The following RARB variants were observed in gnomAD, a reference collection of about 807,000 sequenced individuals.
RARB encodes the protein retinoic acid receptor beta, also known as HBV-activated protein.
RARB carries 17 observed loss-of-function variants against 51.9 expected under a neutral mutation model. The observed-to-expected ratio is 0.33, with a 90% CI of 0.22 to 0.49. The LOEUF (loss-of-function observed/expected upper bound fraction) is 0.49, where lower values mean the gene tolerates loss of function less well. Among genes scored for constraint, RARB ranks in the 20% least tolerant of loss-of-function variants. The probability of loss-of-function intolerance (pLI) is 0.99; values close to 1 mark genes in which losing one functional copy is unlikely to be tolerated. For synonymous variants in RARB, 215 were observed against 195.4 expected, an observed-to-expected ratio of 1.10 and a Z score of -0.84; for missense variants, 369 against 550.8, an observed-to-expected ratio of 0.67 and a Z score of 3.30.
chr3:25,500,899 C>A (rs1223364728), intron 2 of RARB, among the ~76,000 whole-genome samples: 1 of 152,048 alleles, frequency 6.6e-6, no homozygotes, highest in Admixed American at 6.5e-5. Context: ...TGGAGGGAAC[C>A]CAACTCTGGT....
chr3:25,562,440 G>T (rs1700311751), intron 3 of RARB, among the ~76,000 whole-genome samples: 1 of 152,080 alleles, frequency 6.6e-6, no homozygotes. Flanking sequence ...CAAACACGAA[G>T]CCACAGACAC....
At chr3:25,226,848 A>C (rs1702066749) in intron 5 of RARB, among the ~76,000 whole-genome samples, 1 of 152,222 alleles carries the variant, frequency 6.6e-6, no homozygotes, top group African/African-American at 2.4e-5. Flanking sequence ...AACTACCCAC[A>C]GTTACCCATA....
intron 5 of RARB, among the ~76,000 whole-genome samples, chr3:25,225,349 T>G (rs1347679553): frequency 6.6e-6 from 1 of 152,150 alleles, no homozygotes; most frequent in Non-Finnish European, 1.5e-5. Context: ...TAAAGGTGAT[T>G]CCTGGGGCTG....
At chr3:25,040,760 A>G (rs1053869887) in intron 2 of RARB, among the ~76,000 whole-genome samples, 10 of 152,186 alleles carry the variant, frequency 6.6e-5, no homozygotes, top group Non-Finnish European at 1.0e-4. Context: ...CAAAAAAATA[A>G]TAATTCACAA....
intron 2 of RARB, among the ~76,000 whole-genome samples, chr3:24,873,726 T>A (rs1387787188): frequency 6.6e-6 from 1 of 152,062 alleles, no homozygotes; most frequent in Non-Finnish European, 1.5e-5. Context: ...TGAGTGACTT[T>A]ACTTCATCCC....
At chr3:25,486,137 T>A (rs1237940485) in intron 2 of RARB, among the ~76,000 whole-genome samples, 1 of 152,170 alleles carries the variant, frequency 6.6e-6, no homozygotes, top group African/African-American at 2.4e-5. Context: ...GGGCCCATAT[T>A]TGGGAGACTG....
chr3:25,136,964 G>T (rs774442074), intron 4 of RARB, among the ~76,000 whole-genome samples: 23 of 152,000 alleles, frequency 1.5e-4, no homozygotes, highest in Non-Finnish European at 3.1e-4. Context: ...AATGGCCCAT[G>T]ATTTGAGTGC....
intron 5 of RARB, among the ~76,000 whole-genome samples, chr3:25,350,738 A>T (rs979749222): frequency 6.6e-5 from 10 of 152,206 alleles, no homozygotes; most frequent in African/African-American, 2.2e-4. Context: ...TGATTATATA[A>T]ATTTCATAAC....
chr3:24,884,479 T>C (rs1703232960), intron 2 of RARB, among the ~76,000 whole-genome samples: 1 of 152,102 alleles, frequency 6.6e-6, no homozygotes, highest in African/African-American at 2.4e-5. Context: ...TTCTCAAAGT[T>C]GCATAGCACA....
Position 25,569,805 on chromosome 3 carries a change from G to C in RARB, c.496G>C (p.Glu166Gln). Reference sequence around the variant, plus strand: ...GAAAAAGAAGGAGACTTCGAAGCAAGAATGCACAGAGAGCTATGAAATGAC... The same window carrying C: ...GAAAAAGAAGGAGACTTCGAAGCAACAATGCACAGAGAGCTATGAAATGAC... Reference protein sequence around the residue: ...NKKKKETSKQECTESYEMTAE... With the variant: ...NKKKKETSKQQCTESYEMTAE... Residue 166 changes from glutamate (E) to glutamine (Q), a missense_variant, in exon 4 of 8, where the codon GAA (glutamate) becomes CAA (glutamine). Physicochemically the swap from Glu to Gln is conservative, Grantham distance 29. Transcript: ENST00000330688. 1 of 1,614,202 alleles carries C rather than the reference G, an allele frequency of 6.2e-7. No homozygotes were observed.
At chr3:25,161,051 C>T (rs554166886) in intron 4 of RARB, among the ~76,000 whole-genome samples, 9 of 151,960 alleles carry the variant, frequency 5.9e-5, no homozygotes, top group African/African-American at 1.7e-4. Context: ...CTTGCTCCGT[C>T]GCCCAGGCTA....
intron 5 of RARB, among the ~76,000 whole-genome samples, chr3:25,586,949 C>T (rs373748318): frequency 1.3e-5 from 2 of 152,208 alleles, no homozygotes; most frequent in Non-Finnish European, 2.9e-5. Flanking sequence ...GGCACGATTA[C>T]CCCATGAGGC....
At chr3:24,967,432 C>T (rs1030875253) in intron 2 of RARB, among the ~76,000 whole-genome samples, 1 of 152,224 alleles carries the variant, frequency 6.6e-6, no homozygotes, top group South Asian at 2.1e-4. Flanking sequence ...GTAAATTTGT[C>T]TCCTCAACTC....
chr3:25,131,398 G>A (rs556319340), intron 3 of RARB, among the ~76,000 whole-genome samples: 2 of 152,046 alleles, frequency 1.3e-5, no homozygotes, highest in South Asian at 4.1e-4. Flanking sequence ...AAATAGTCTT[G>A]GCAAAGCCTT....
At chr3:25,188,552 G>A (rs1701027730) in intron 5 of RARB, among the ~76,000 whole-genome samples, 1 of 152,048 alleles carries the variant, frequency 6.6e-6, no homozygotes, top group South Asian at 2.1e-4. Context: ...TTTCCAAGGA[G>A]GTATTTTGGA....
chr3:25,364,155 T>G (rs1044488403), intron 5 of RARB, among the ~76,000 whole-genome samples: 70 of 152,336 alleles, frequency 4.6e-4, no homozygotes, highest in African/African-American at 1.6e-3. Context: ...TGATTTATTA[T>G]CCAGATTCTT....
At chr3:24,972,836 G>T (rs1221808921) in intron 2 of RARB, among the ~76,000 whole-genome samples, 1 of 151,732 alleles carries the variant, frequency 6.6e-6, no homozygotes, top group Admixed American at 6.6e-5. Context: ...TTTAAATCAA[G>T]TTTATTTGCT....
intron 5 of RARB, among the ~76,000 whole-genome samples, chr3:25,234,995 C>G (rs1228986000): frequency 6.6e-6 from 1 of 152,124 alleles, no homozygotes; most frequent in African/African-American, 2.4e-5. Context: ...AAACCAGTTA[C>G]TTCCCCTGCA....
chr3:24,990,858 T>C (rs1482389458), intron 2 of RARB, among the ~76,000 whole-genome samples: 2 of 152,254 alleles, frequency 1.3e-5, no homozygotes, highest in African/African-American at 4.8e-5. Flanking sequence ...AATTATGTAT[T>C]AATTTAAGAT....
Sources: allele counts gnomAD v4.1 joint callset (sites outside exome capture counted in the v4.1 genomes callset), GRCh38; gene constraint gnomAD v4.1.1; transcripts MANE v1.5; gene names NCBI Gene and HGNC (gene_info 2026-07-23, HGNC 2026-07-21).